The following THSD4 variants were observed in gnomAD, a reference collection of about 807,000 sequenced individuals.
THSD4 encodes the protein thrombospondin type 1 domain containing 4.
A neutral mutation model predicts 119.0 loss-of-function variants in THSD4; 69 were observed. The observed-to-expected ratio is 0.58, with a 90% CI of 0.48 to 0.71. The LOEUF (loss-of-function observed/expected upper bound fraction) is 0.71. Ranked by LOEUF, THSD4 falls within the 30% of genes least tolerant of loss-of-function variation. The pLI is 0.00. For missense variants in THSD4, 1,393 were observed against 1,391.1 expected (o/e 1.00, Z -0.02); for synonymous variants, 524 against 540.4 (o/e 0.97, Z 0.42).
intron 1 of THSD4, among the ~76,000 whole-genome samples, chr15:71,118,952 T>A (rs967834401): frequency 5.3e-5 from 8 of 152,262 alleles, no homozygotes; most frequent in African/African-American, 1.9e-4. Flanking sequence ...CTAGGCCTGT[T>A]TTGCTCTCTT....
intron 3 of THSD4, among the ~76,000 whole-genome samples, chr15:71,193,106 G>C (rs1432816745): frequency 6.6e-6 from 1 of 152,154 alleles, no homozygotes; most frequent in Non-Finnish European, 1.5e-5. Context: ...ATCCTGGGGG[G>C]ATGCTCTTCA....
At chr15:71,631,988 C>A (rs1482169116) in intron 7 of THSD4, among the ~76,000 whole-genome samples, 1 of 152,200 alleles carries the variant, frequency 6.6e-6, no homozygotes, top group Non-Finnish European at 1.5e-5. Context: ...GCCGAGATAT[C>A]TTAAAGAACT....
chr15:71,476,462 G>A (rs1041777429), intron 7 of THSD4, among the ~76,000 whole-genome samples: 17 of 152,152 alleles, frequency 1.1e-4, no homozygotes, highest in Non-Finnish European at 1.9e-4. Context: ...GGCTGGTCTC[G>A]AACTCGTGAC....
chr15:71,147,231 G>T (rs2040671204), intron 2 of THSD4, among the ~76,000 whole-genome samples: 2 of 152,146 alleles, frequency 1.3e-5, no homozygotes, highest in South Asian at 2.1e-4. Context: ...TAGAGACAGG[G>T]TCTCTCTCTG....
intron 7 of THSD4, among the ~76,000 whole-genome samples, chr15:71,552,050 A>G (rs2048939727): frequency 7.7e-6 from 1 of 130,348 alleles, no homozygotes; most frequent in South Asian, 2.8e-4. Context: ...TTTAAGTGGG[A>G]AAAGAGGGGG....
chr15:71,414,180 G>T (rs149148010), intron 7 of THSD4, among the ~76,000 whole-genome samples: 1 of 152,346 alleles, frequency 6.6e-6, no homozygotes, highest in Non-Finnish European at 1.5e-5. Flanking sequence ...TGAGGAGGAT[G>T]GTACCTACGT....
At chr15:71,163,270 T>C (rs1281986333) in intron 3 of THSD4, among the ~76,000 whole-genome samples, 1 of 151,890 alleles carries the variant, frequency 6.6e-6, no homozygotes, top group Non-Finnish European at 1.5e-5. Context: ...TTTTTAAACC[T>C]CTGCAATTAT....
chr15:71,428,218 A>G (rs1407398981), intron 7 of THSD4, among the ~76,000 whole-genome samples: 2 of 152,206 alleles, frequency 1.3e-5, no homozygotes, highest in Admixed American at 6.5e-5. Flanking sequence ...GAGCTATGCA[A>G]TACTCATTGT....
At chr15:71,295,913 G>A (rs112773069) in intron 6 of THSD4, among the ~76,000 whole-genome samples, 2,362 of 152,284 alleles carry the variant, frequency 0.016, 17 homozygotes, top group Middle Eastern at 0.024. Context: ...ATCATGCACT[G>A]TGTGGTCTCT....
intron 7 of THSD4, among the ~76,000 whole-genome samples, chr15:71,542,089 C>T (rs1005692630): frequency 3.3e-5 from 5 of 152,122 alleles, no homozygotes; most frequent in South Asian, 4.2e-4. Flanking sequence ...ATGGAGGAGG[C>T]GGGACAAATC....
chr15:71,705,311 G>A lies in THSD4; in HGVS notation c.1358-23238G>A, dbSNP rs140963379. 2.2e-4 allele frequency among the ~76,000 whole-genome samples: 33 copies of A among 152,226 alleles called. No homozygotes were observed. In the East Asian group the frequency reaches 5.8e-3, roughly 27 times the overall value. On this transcript the variant is annotated intron_variant, in intron 8 of 17. Transcript: ENST00000261862. ...TGTGTGTGGAGAGGAAGAGCAAGGC[G>A]GGCGGCACCTAATTTGCACACCGCA...
intron 7 of THSD4, among the ~76,000 whole-genome samples, chr15:71,494,692 A>G (rs2047983029): frequency 6.6e-6 from 1 of 152,158 alleles, no homozygotes; most frequent in Non-Finnish European, 1.5e-5. Context: ...TCAAAGCCCC[A>G]TCAGAGGAGG....
At chr15:71,732,412 A>G (rs2052998247) in intron 10 of THSD4, 1 of 152,244 alleles carries the variant, frequency 6.6e-6, no homozygotes, top group Non-Finnish European at 1.5e-5. Flanking sequence ...GGCACTGGGC[A>G]TGGGACTGCT....
chr15:71,694,006 C>A (rs1288841050), intron 8 of THSD4, among the ~76,000 whole-genome samples: 2 of 146,730 alleles, frequency 1.4e-5, no homozygotes, highest in African/African-American at 4.9e-5. Flanking sequence ...CAGAGTGAGA[C>A]CCTGTCTCAA....
chr15:71,435,460 T>C (rs193072042), intron 7 of THSD4, among the ~76,000 whole-genome samples: 5 of 152,376 alleles, frequency 3.3e-5, no homozygotes, highest in African/African-American at 1.2e-4. Context: ...TTTAAGACTA[T>C]AGCTCTCTAA....
chr15:71,346,997 C>G (rs2045672286), intron 6 of THSD4, among the ~76,000 whole-genome samples: 1 of 149,158 alleles, frequency 6.7e-6, no homozygotes, highest in South Asian at 2.1e-4. Flanking sequence ...CCTCCGCTTC[C>G]TGAGTAGCTG....
intron 7 of THSD4, among the ~76,000 whole-genome samples, chr15:71,468,516 G>T (rs2047530819): frequency 6.6e-6 from 1 of 152,168 alleles, no homozygotes; most frequent in Non-Finnish European, 1.5e-5. Flanking sequence ...GCCTTCAAGG[G>T]CTCAGCCCTC....
intron 8 of THSD4, among the ~76,000 whole-genome samples, chr15:71,711,667 G>A (rs1187917461): frequency 3.1e-5 from 1 of 31,970 alleles, no homozygotes; most frequent in Non-Finnish European, 8.4e-5. Context: ...CCACTCTAAA[G>A]GTAATGATAT....
chr15:71,137,968 C>A (rs2040566583), intron 1 of THSD4, among the ~76,000 whole-genome samples: 1 of 152,148 alleles, frequency 6.6e-6, no homozygotes, highest in South Asian at 2.1e-4. Flanking sequence ...GACATCTTAT[C>A]AGATCTGTTC....
Sources: allele counts gnomAD v4.1 joint callset (sites outside exome capture counted in the v4.1 genomes callset), GRCh38; gene constraint gnomAD v4.1.1; transcripts MANE v1.5; gene names NCBI Gene and HGNC (gene_info 2026-07-23, HGNC 2026-07-21).